CTNNA2: variants seen among roughly 807,000 people sequenced by gnomAD.
CTNNA2 encodes the protein catenin alpha 2.
CTNNA2 carries 42 observed loss-of-function variants against 101.0 expected under a neutral mutation model. That is an observed-to-expected ratio of 0.42 (90% confidence interval 0.32 to 0.54). The LOEUF (loss-of-function observed/expected upper bound fraction) is 0.54, where lower values mean the gene tolerates loss of function less well. CTNNA2 is among the 20% of genes least tolerant of loss of function. CTNNA2 has a pLI of 0.14. For synonymous variants in CTNNA2, 450 were observed against 456.4 expected, an observed-to-expected ratio of 0.99 and a Z score of 0.18; for missense variants, 871 against 1,223.1, an observed-to-expected ratio of 0.71 and a Z score of 4.29.
chr2:80,253,382 G>A (rs1671907889), intron 7 of CTNNA2, among the ~76,000 whole-genome samples: 2 of 152,122 alleles, frequency 1.3e-5, no homozygotes, highest in African/African-American at 2.4e-5. Context: ...TTCTAAAACA[G>A]GGTATGTCCA....
intron 7 of CTNNA2, among the ~76,000 whole-genome samples, chr2:80,131,249 A>G (rs1702399904): frequency 6.6e-6 from 1 of 152,022 alleles, no homozygotes; most frequent in African/African-American, 2.4e-5. Context: ...AGTAGACACG[A>G]GATTTCACTG....
chr2:79,715,023 T>C (rs193107315), intron 2 of CTNNA2, among the ~76,000 whole-genome samples: 2 of 139,170 alleles, frequency 1.4e-5, no homozygotes, highest in Admixed American at 1.5e-4. Flanking sequence ...AAACCCCGTC[T>C]CTACTAAAAA....
rs145795977 is a variant in CTNNA2, at chr2:80,283,720, G to T, written c.1057-109491G>T. ...GCAGCTGAGAGAAGCTGGAAAGAGT[G>T]CCCCTGTGCTCTCTTAGAGCTGGAA... is the stretch of plus-strand genomic sequence containing the variant. On this transcript the variant is annotated intron_variant, in intron 7 of 18. Coordinates refer to ENST00000402739, the MANE Select transcript of CTNNA2 (RefSeq NM_001282597.3). 3.5e-3 allele frequency among the ~76,000 whole-genome samples: 537 copies of T among 152,228 alleles called. 5 individuals are homozygous for T. The highest frequency in any genetic ancestry group is 0.012 in the African/African-American group (512 of 41,546).
chr2:79,972,611 A>T (rs1015188711), intron 7 of CTNNA2, among the ~76,000 whole-genome samples: 7 of 152,194 alleles, frequency 4.6e-5, no homozygotes, highest in Non-Finnish European at 1.0e-4. Context: ...GAGTTAGGTT[A>T]CAAGTGGAGT....
At chr2:80,579,455 C>A (rs547594356) in intron 13 of CTNNA2, 2 of 152,236 alleles carry the variant, frequency 1.3e-5, no homozygotes, top group South Asian at 4.1e-4. Flanking sequence ...GCTGAATTTA[C>A]CAACTTGCTA....
At chr2:79,936,248 AT>A (rs11352516) in intron 7 of CTNNA2, among the ~76,000 whole-genome samples, 121,157 of 143,754 alleles carry the variant, frequency 0.84, 51,087 homozygotes, top group Non-Finnish European at 0.9. Context: ...TCATGCTGGG[AT>A]TTTTTTTTTT....
intron 4 of CTNNA2, among the ~76,000 whole-genome samples, chr2:79,498,730 G>A (rs1455232793): frequency 6.6e-6 from 1 of 152,116 alleles, no homozygotes; most frequent in Non-Finnish European, 1.5e-5. Context: ...CTTGAGAGAG[G>A]TCTGAAGAGT....
intron 1 of CTNNA2, among the ~76,000 whole-genome samples, chr2:79,641,685 A>G (rs1680458853): frequency 6.6e-6 from 1 of 152,230 alleles, no homozygotes; most frequent in Admixed American, 6.5e-5. Flanking sequence ...ACTCAAGTGG[A>G]AAACAACCCA....
In CTNNA2 at chr2:80,591,457, G is replaced by GTTTTTTTTTTTTTTTTTTTTTT. The variant is rs567131551; in HGVS notation, c.2189+1993_2189+1994insTTTTTTTTTTTTTTTTTTTTTT. 6.0e-4 allele frequency among the ~76,000 whole-genome samples: 42 copies of GTTTTTTTTTTTTTTTTTTTTTT among 70,300 alleles called. 4 individuals are homozygous for GTTTTTTTTTTTTTTTTTTTTTT. The highest frequency in any genetic ancestry group is 7.2e-4 in the Non-Finnish European group (24 of 33,370). The allele number at this position is 70,300 out of a possible 152,430, so 46.1% of individuals were successfully genotyped here. On this transcript the variant is annotated intron_variant, in intron 15 of 18. Coordinates refer to ENST00000402739, the MANE Select transcript of CTNNA2 (RefSeq NM_001282597.3). ...ATTGCTGCCTCCATCTGCACAGCCT[G>GTTTTTTTTTTTTTTTTTTTTTT]TTTTTTTTTTTTTTTTTTTTTGCAA...
At chr2:80,395,215 G>T (rs532422681) in intron 8 of CTNNA2, among the ~76,000 whole-genome samples, 1 of 152,300 alleles carries the variant, frequency 6.6e-6, no homozygotes, top group Admixed American at 6.5e-5. Flanking sequence ...CTGTAAGATG[G>T]CAGTGGAAGG....
At chr2:80,564,475 T>C (rs1265455219) in intron 12 of CTNNA2, among the ~76,000 whole-genome samples, 3 of 151,958 alleles carry the variant, frequency 2.0e-5, no homozygotes, top group Admixed American at 1.3e-4. Flanking sequence ...TCCCTGATTC[T>C]TTTAGGGTAG....
rs559533960 is a variant in CTNNA2 at position 80,319,004 on chromosome 2, A to T, written c.1057-74207A>T. On this transcript the variant is annotated intron_variant, in intron 7 of 18. Coordinates refer to ENST00000402739, the MANE Select transcript of CTNNA2 (RefSeq NM_001282597.3). ...TAAAAAGATAATATGCTAGTGGCTT[A>T]TCTCTGTGCTTTAGAAGGTATTATC... Among the ~76,000 whole-genome samples the T allele has an allele frequency of 1.1e-3, 160 of 152,320 alleles. 1 individual carries two copies. The highest frequency in any genetic ancestry group is 3.6e-3 in the African/African-American group (148 of 41,578).
At chr2:79,607,377 T>C (rs1416216074) in intron 1 of CTNNA2, among the ~76,000 whole-genome samples, 2 of 152,160 alleles carry the variant, frequency 1.3e-5, no homozygotes, top group Non-Finnish European at 2.9e-5. Context: ...CATAGAAGAC[T>C]TGAACAATGC....
intron 9 of CTNNA2, among the ~76,000 whole-genome samples, chr2:80,423,898 A>G (rs561695931): frequency 6.6e-6 from 1 of 152,200 alleles, no homozygotes; most frequent in South Asian, 2.1e-4. Context: ...CAGTTTGCCC[A>G]TTTTGGGGAC....
At chr2:79,771,860 CTG>C (rs1357809288) in intron 3 of CTNNA2, among the ~76,000 whole-genome samples, 1 of 152,170 alleles carries the variant, frequency 6.6e-6, no homozygotes, top group Non-Finnish European at 1.5e-5. Flanking sequence ...CTCATTGCGA[CTG>C]TTTTGTACAT....
chr2:79,541,412 A>ACG lies in CTNNA2; in HGVS notation c.-6+28206_-6+28207insGC, dbSNP rs1157413883. On this transcript the variant is annotated intron_variant, in intron 1 of 18. Transcript: ENST00000402739. ...TACTTGTATACATATATACACATACACACACGCACACACACATATATATAT... is the reference window on the plus strand; with the variant it reads ...TACTTGTATACATATATACACATACACGCACACGCACACACACATATATATAT... Among the ~76,000 whole-genome samples the ACG allele has an allele frequency of 2.0e-4, 12 of 59,694 alleles. No homozygotes were observed. The East Asian group carries it at 2.2e-3, about 11-fold the overall frequency. The allele number at this position is 59,694 out of a possible 152,430, so 39.2% of individuals were successfully genotyped here. A position where few individuals can be genotyped will look rare whatever the true frequency, so the allele number is the denominator to read the frequency against.
intron 3 of CTNNA2, among the ~76,000 whole-genome samples, chr2:79,320,456 G>A (rs1309487746): frequency 6.6e-6 from 1 of 151,688 alleles, no homozygotes; most frequent in Non-Finnish European, 1.5e-5. Context: ...CTAGGCACAG[G>A]GCGTATTATA....
chr2:79,762,342 A>G (rs1672849656), intron 3 of CTNNA2, among the ~76,000 whole-genome samples: 3 of 152,148 alleles, frequency 2.0e-5, no homozygotes, highest in Non-Finnish European at 4.4e-5. Flanking sequence ...AGATACGAGC[A>G]TTTCAAGAGA....
chr2:79,634,347 A>G (rs1023349880), intron 1 of CTNNA2, among the ~76,000 whole-genome samples: 1 of 152,196 alleles, frequency 6.6e-6, no homozygotes, highest in Non-Finnish European at 1.5e-5. Context: ...AAATACCTTT[A>G]GATGCAACTC....
Sources: allele counts gnomAD v4.1 joint callset (sites outside exome capture counted in the v4.1 genomes callset), GRCh38; gene constraint gnomAD v4.1.1; transcripts MANE v1.5; gene names NCBI Gene and HGNC (gene_info 2026-07-23, HGNC 2026-07-21).